Variants in TMEM132D observed in about 807,000 individuals in gnomAD.
TMEM132D encodes transmembrane protein 132D.
Under a neutral mutation model 62.3 loss-of-function variants are expected in TMEM132D, and 21 were observed. That is an observed-to-expected ratio of 0.34 (90% confidence interval 0.24 to 0.49). The LOEUF (loss-of-function observed/expected upper bound fraction) is 0.49. Among genes scored for constraint, TMEM132D ranks in the 20% least tolerant of loss-of-function variants. The probability of loss-of-function intolerance (pLI) is 0.99; values close to 1 mark genes in which losing one functional copy is unlikely to be tolerated. For missense variants in TMEM132D, 1,346 were observed against 1,402.8 expected (o/e 0.96, Z 0.65); for synonymous variants, 621 against 575.6 (o/e 1.08, Z -1.13).
At chr12:129,096,754 A>G (rs1213630742) in intron 5 of TMEM132D, among the ~76,000 whole-genome samples, 9 of 152,182 alleles carry the variant, frequency 5.9e-5, no homozygotes, top group Non-Finnish European at 1.3e-4. Flanking sequence ...AGTCATCTAT[A>G]CCAGAAGATT....
chr12:129,545,639 G>A (rs1566105322), intron 2 of TMEM132D, among the ~76,000 whole-genome samples: 1 of 152,150 alleles, frequency 6.6e-6, no homozygotes, highest in South Asian at 2.1e-4. Flanking sequence ...CCTGCCTCTG[G>A]CAACCAACAC....
intron 1 of TMEM132D, among the ~76,000 whole-genome samples, chr12:129,704,929 T>G (rs1565955917): frequency 6.6e-6 from 1 of 152,162 alleles, no homozygotes; most frequent in Non-Finnish European, 1.5e-5. Context: ...AAGCAGAGCC[T>G]TTGTTGTTTT....
At position 129,356,261 on chromosome 12, in the gene TMEM132D, A is replaced by C. The variant is rs1199128094; in HGVS notation, c.1116-18444T>G. On this transcript the variant is annotated intron_variant, in intron 3 of 8. Transcript: ENST00000422113. The stretch of plus-strand genomic sequence containing the variant: ...AAGCTCCGCCTCCCGGGTTCACGCC[A>C]TTCTCCTGCCTCAGCCTCCCAAGTA... Among the ~76,000 whole-genome samples the C allele has an allele frequency of 5.4e-5, 2 of 36,946 alleles. 1 individual carries two copies. Among genetic ancestry groups the C allele is most frequent in the Non-Finnish European group, 1.1e-4 (2 of 18,352 alleles). 24.2% of individuals were successfully genotyped at this position (36,946 alleles called of 152,430 possible). A position where few individuals can be genotyped will look rare whatever the true frequency, so the allele number is the denominator to read the frequency against.
At chr12:129,098,546 T>G (rs1308598032) in intron 5 of TMEM132D, among the ~76,000 whole-genome samples, 1 of 152,146 alleles carries the variant, frequency 6.6e-6, no homozygotes, top group Admixed American at 6.5e-5. Flanking sequence ...TTCCACTAAC[T>G]CCACTGTCCT....
chr12:129,528,287 T>C (rs1876112003), intron 3 of TMEM132D, among the ~76,000 whole-genome samples: 3 of 152,228 alleles, frequency 2.0e-5, no homozygotes, highest in South Asian at 4.1e-4. Flanking sequence ...ATGATTTCTC[T>C]TTGTTTAATT....
At chr12:129,108,605 T>C (rs1051838386) in intron 5 of TMEM132D, among the ~76,000 whole-genome samples, 2 of 152,142 alleles carry the variant, frequency 1.3e-5, no homozygotes, top group Non-Finnish European at 2.9e-5. Flanking sequence ...ACTTGGTTCA[T>C]TCAGACTCTT....
intron 1 of TMEM132D, among the ~76,000 whole-genome samples, chr12:129,797,578 C>T (rs1312647613): frequency 6.6e-6 from 1 of 152,106 alleles, no homozygotes; most frequent in African/African-American, 2.4e-5. Flanking sequence ...TTCTGAAAGT[C>T]CCGGCTGTGA....
rs532321919 is a variant in TMEM132D, at chr12:129,735,030, A to T, written c.80-34332T>A. On this transcript the variant is annotated intron_variant, in intron 1 of 8. Coordinates refer to ENST00000422113, the MANE Select transcript of TMEM132D (RefSeq NM_133448.3). ...TAGGAATTGCCCATTTTACAGTACG[A>T]CGACAAAAAGAATTAAAAGTTAAAG... Among the ~76,000 whole-genome samples the T allele has an allele frequency of 2.0e-5, 3 of 152,324 alleles. No homozygotes were observed. In the South Asian group the frequency reaches 6.2e-4, roughly 32 times the overall value.
In TMEM132D at chr12:129,623,074, G is replaced by A. The variant is rs117716181; in HGVS notation, c.968+76736C>T. 2.6e-5 allele frequency among the ~76,000 whole-genome samples: 4 copies of A among 152,250 alleles called. No individual in the cohort carries two copies. The South Asian group carries it at 8.3e-4, about 32-fold the overall frequency. On this transcript the variant is annotated intron_variant, in intron 2 of 8. Coordinates refer to ENST00000422113, the MANE Select transcript of TMEM132D (RefSeq NM_133448.3). ...GGGGAAGGGGAGAGAGAGATGGAGA[G>A]AAAGAGACTGAGATTTCTAAGGATA...
chr12:129,429,309 A>T (rs1872585132), intron 3 of TMEM132D, among the ~76,000 whole-genome samples: 1 of 152,244 alleles, frequency 6.6e-6, no homozygotes, highest in Admixed American at 6.5e-5. Flanking sequence ...CCATTCACAG[A>T]AACCACTCTA....
intron 3 of TMEM132D, among the ~76,000 whole-genome samples, chr12:129,398,514 C>T (rs1871499534): frequency 6.6e-6 from 1 of 152,148 alleles, no homozygotes; most frequent in African/African-American, 2.4e-5. Flanking sequence ...GAAACTTGTT[C>T]ATTCTATCAT....
intron 5 of TMEM132D, among the ~76,000 whole-genome samples, chr12:129,197,114 A>G (rs894499315): frequency 1.3e-5 from 2 of 152,238 alleles, no homozygotes; most frequent in Non-Finnish European, 2.9e-5. Flanking sequence ...CCCTGGTCAC[A>G]TAAAAGCAGC....
chr12:129,463,727 C>T lies in TMEM132D; in HGVS notation c.1115+67332G>A, dbSNP rs537664210. ...CCTATGAGTGAGAACATGCGGTGTT[C>T]GGTTTTTTGTCCTTGCAATAGTTTG... is the stretch of plus-strand genomic sequence containing the variant. On this transcript the variant is annotated intron_variant, in intron 3 of 8. Coordinates refer to ENST00000422113, the MANE Select transcript of TMEM132D (RefSeq NM_133448.3). 6.8e-3 allele frequency among the ~76,000 whole-genome samples: 1,025 copies of T among 150,962 alleles called. 11 individuals carry two copies. The highest frequency in any genetic ancestry group is 0.023 in the African/African-American group (959 of 40,906).
At chr12:129,147,393 G>A in intron 5 of TMEM132D, among the ~76,000 whole-genome samples, 1 of 150,992 alleles carries the variant, frequency 6.6e-6, no homozygotes, top group East Asian at 2.0e-4. Flanking sequence ...TGCCCTTAGA[G>A]GATACGTGAG....
intron 3 of TMEM132D, among the ~76,000 whole-genome samples, chr12:129,396,410 G>C (rs977332994): frequency 6.6e-6 from 1 of 152,196 alleles, no homozygotes; most frequent in Non-Finnish European, 1.5e-5. Flanking sequence ...CCGTGACCAA[G>C]TTCAATGGAA....
At chr12:129,844,714 A>G (rs1467527231) in intron 1 of TMEM132D, among the ~76,000 whole-genome samples, 3 of 152,168 alleles carry the variant, frequency 2.0e-5, no homozygotes, top group Admixed American at 2.0e-4. Flanking sequence ...TTCAGTTCCA[A>G]CAGAATCATA....
intron 5 of TMEM132D, among the ~76,000 whole-genome samples, chr12:129,135,545 A>G (rs1366286005): frequency 1.3e-5 from 2 of 152,202 alleles, no homozygotes; most frequent in Non-Finnish European, 2.9e-5. Context: ...ATCTGAGCAT[A>G]AAGGCCTTTG....
intron 1 of TMEM132D, among the ~76,000 whole-genome samples, chr12:129,810,577 C>G (rs1278929977): frequency 7.4e-5 from 4 of 54,416 alleles, no homozygotes; most frequent in Admixed American, 2.0e-4. Context: ...CACACACCCC[C>G]CCACACTCTT....
intron 4 of TMEM132D, among the ~76,000 whole-genome samples, chr12:129,237,973 T>C (rs1284895282): frequency 6.6e-6 from 1 of 152,190 alleles, no homozygotes; most frequent in Non-Finnish European, 1.5e-5. Context: ...GTCAAGGTGA[T>C]TGCTAGGCTC....
Sources: gnomAD v4.1 joint callset for allele counts (sites outside exome capture counted in the v4.1 genomes callset) on GRCh38, gnomAD v4.1.1 for gene constraint, MANE v1.5 for transcripts, NCBI Gene and HGNC (gene_info 2026-07-23, HGNC 2026-07-21) for gene names.